CORIN: variants seen among roughly 807,000 people sequenced by gnomAD.
CORIN encodes the protein corin, serine peptidase.
In CORIN, 117 loss-of-function variants were observed where a neutral mutation model predicts 125.3. The ratio of observed to expected loss-of-function variants is 0.93; its 90% CI spans 0.80 to 1.09. CORIN has a LOEUF of 1.09. Among genes scored for constraint, CORIN ranks in the 50% least tolerant of loss-of-function variants. The probability of loss-of-function intolerance (pLI) is 0.00; values close to 1 mark genes in which losing one functional copy is unlikely to be tolerated. For missense variants in CORIN, 1,253 were observed against 1,306.7 expected (o/e 0.96, Z 0.63); for synonymous variants, 450 against 466.4 (o/e 0.96, Z 0.45).
intron 20 of CORIN, among the ~76,000 whole-genome samples, 181 bp from the exon 21 acceptor site, chr4:47,600,528 G>A (rs781636011): frequency 6.6e-6 from 1 of 152,124 alleles, no homozygotes; most frequent in Non-Finnish European, 1.5e-5. Context: ...GAATTTTCTA[G>A]TTAGAAGCAT....
intron 5 of CORIN, among the ~76,000 whole-genome samples, chr4:47,738,456 T>C (rs1461668303): frequency 6.6e-6 from 1 of 152,204 alleles, no homozygotes; most frequent in Non-Finnish European, 1.5e-5. Flanking sequence ...GGCTGCTATC[T>C]GGGCAAAAAC....
In CORIN at chr4:47,595,616, TC is replaced by T; in HGVS notation, c.*104del. Reference sequence around the variant, plus strand: ...TGCAGTGCACGATTGAGCATTTCTGTCCATGAAAAGTGCTTCTGTACAGCTC... The same window carrying T: ...TGCAGTGCACGATTGAGCATTTCTGTCATGAAAAGTGCTTCTGTACAGCTC... On this transcript the variant is annotated 3_prime_UTR_variant, in exon 22 of 22. Transcript: ENST00000273857. 1.3e-6 allele frequency: 1 copy of T among 754,622 alleles called. No homozygotes were observed. The allele number at this position is 754,622 out of a possible 1,614,324, so 46.7% of individuals were successfully genotyped here.
chr4:47,729,506 G>A (rs926844713), intron 5 of CORIN, among the ~76,000 whole-genome samples: 2 of 152,132 alleles, frequency 1.3e-5, no homozygotes, highest in Admixed American at 6.5e-5. Flanking sequence ...ACAGCCTAGA[G>A]AGCAAAAACA....
Position 47,626,464 on chromosome 4 carries a change from T to C in CORIN, c.2256A>G (p.Thr752=), listed in dbSNP as rs766721644. The C allele has an allele frequency of 1.9e-6, 3 of 1,614,122 alleles. No individual in the cohort carries two copies. The highest frequency in any genetic ancestry group is 2.5e-6 in the Non-Finnish European group (3 of 1,179,978). ...TGAGGCTCTCCCAGTTGGAGTGTAATGTCAGCCACCGCGGCTCTTTCTCCT... is the reference window on the plus strand; with the variant it reads ...TGAGGCTCTCCCAGTTGGAGTGTAACGTCAGCCACCGCGGCTCTTTCTCCT... The part of the protein sequence containing the change: ...QEQEKEPRWL[T]LHSNWESLNG... Residue 752 remains threonine, a synonymous_variant, in exon 17 of 22, where the codon ACA becomes ACG. Transcript: ENST00000273857.
At chr4:47,710,702 G>A (rs1726801463) in intron 5 of CORIN, among the ~76,000 whole-genome samples, 1 of 152,222 alleles carries the variant, frequency 6.6e-6, no homozygotes, top group South Asian at 2.1e-4. Context: ...TTGTTGCCCT[G>A]TAATTACCAG....
At chr4:47,624,366 G>A (rs1280267639) in intron 17 of CORIN, among the ~76,000 whole-genome samples, 1 of 152,104 alleles carries the variant, frequency 6.6e-6, no homozygotes, top group East Asian at 1.9e-4. Flanking sequence ...GAGGCAGCAT[G>A]TCAGATTTTT....
chr4:47,653,373 T>G (rs1442265409), intron 13 of CORIN, among the ~76,000 whole-genome samples, 180 bp downstream of exon 13: 2 of 152,076 alleles, frequency 1.3e-5, no homozygotes, highest in Non-Finnish European at 2.9e-5. Context: ...TTAGAGGAAA[T>G]CAAGAGTCAG....
intron 1 of CORIN, among the ~76,000 whole-genome samples, chr4:47,808,184 G>A (rs538275912): frequency 7.2e-5 from 11 of 152,072 alleles, no homozygotes; most frequent in Non-Finnish European, 1.3e-4. Context: ...TATGGGGAGT[G>A]GAGTCCAAAG....
intron 4 of CORIN, among the ~76,000 whole-genome samples, chr4:47,748,348 AAGG>A (rs1398675511): frequency 6.6e-6 from 1 of 152,210 alleles, no homozygotes; most frequent in Non-Finnish European, 1.5e-5. Context: ...CTGCACAGGG[AAGG>A]AGACCACTTT....
At chr4:47,751,055 G>C (rs942723010) in intron 4 of CORIN, among the ~76,000 whole-genome samples, 1 of 152,206 alleles carries the variant, frequency 6.6e-6, no homozygotes, top group Non-Finnish European at 1.5e-5. Flanking sequence ...TGGTTTTGTT[G>C]TTGGTTTGTT....
Position 47,762,159 on chromosome 4 carries a change from A to G in CORIN, c.617+1220T>C, listed in dbSNP as rs531737351. Reference sequence around the variant, plus strand: ...GTGTAGTATTCTTAAAAAATGCTAAAATGATGGATGTAAAGTGTTCTCACC... The same window carrying G: ...GTGTAGTATTCTTAAAAAATGCTAAGATGATGGATGTAAAGTGTTCTCACC... On this transcript the variant is annotated intron_variant, in intron 4 of 21. Coordinates refer to ENST00000273857, the MANE Select transcript of CORIN (RefSeq NM_006587.4). Among the ~76,000 whole-genome samples, 4 of 152,208 alleles carry G rather than the reference A, an allele frequency of 2.6e-5. 1 individual carries two copies. Among genetic ancestry groups the G allele is most frequent in the African/African-American group, 7.2e-5 (3 of 41,536 alleles).
At chr4:47,785,473 C>T (rs1344636957) in intron 3 of CORIN, among the ~76,000 whole-genome samples, 4 of 152,168 alleles carry the variant, frequency 2.6e-5, no homozygotes, top group Non-Finnish European at 5.9e-5. Context: ...TCCCTTTGCC[C>T]TCATGCAGAA....
chr4:47,685,864 G>A (rs567801727), intron 6 of CORIN, among the ~76,000 whole-genome samples: 2 of 151,390 alleles, frequency 1.3e-5, no homozygotes, highest in African/African-American at 4.9e-5. Context: ...TCAAGCAGAT[G>A]AAATAGCAAG....
intron 5 of CORIN, among the ~76,000 whole-genome samples, chr4:47,722,914 G>C (rs867568738): frequency 2.0e-5 from 3 of 152,184 alleles, no homozygotes; most frequent in African/African-American, 7.2e-5. Context: ...GTAATAAGGA[G>C]GTGAGCTTTC....
intron 5 of CORIN, among the ~76,000 whole-genome samples, chr4:47,700,140 A>T (rs1186633728): frequency 6.6e-6 from 1 of 151,966 alleles, no homozygotes; most frequent in East Asian, 1.9e-4. Context: ...AAACTCCTTC[A>T]CCCTTAAGAT....
intron 4 of CORIN, among the ~76,000 whole-genome samples, chr4:47,746,637 CG>C (rs1728677175): frequency 6.6e-6 from 1 of 151,830 alleles, no homozygotes. Context: ...TGGTTTCAAG[CG>C]ATTCTCCTGC....
At chr4:47,764,726 A>G (rs897713230) in intron 3 of CORIN, among the ~76,000 whole-genome samples, 2 of 152,220 alleles carry the variant, frequency 1.3e-5, no homozygotes, top group Admixed American at 1.3e-4. Context: ...TATGTTAAAA[A>G]TAGTTCTTGA....
At chr4:47,724,062 G>C (rs1367857972) in intron 5 of CORIN, among the ~76,000 whole-genome samples, 1 of 150,068 alleles carries the variant, frequency 6.7e-6, no homozygotes. Context: ...ATAATTAATA[G>C]GCACCACCCC....
rs530837239 is a variant in CORIN, at chr4:47,764,815, T to C, written c.410-1229A>G. Among the ~76,000 whole-genome samples, 188 of 152,312 alleles carry C rather than the reference T, an allele frequency of 1.2e-3. 2 individuals carry two copies. The highest frequency in any genetic ancestry group is 1.4e-3 in the Non-Finnish European group (98 of 68,018). The stretch of plus-strand genomic sequence containing the variant: ...ATCTCAAGGTCTGTATGTATAGTAA[T>C]ATGTAATACACCTGTATATTTTGAC... On this transcript the variant is annotated intron_variant, in intron 3 of 21. Coordinates refer to ENST00000273857, the MANE Select transcript of CORIN (RefSeq NM_006587.4).
Sources: gnomAD v4.1 joint callset for allele counts (sites outside exome capture counted in the v4.1 genomes callset) on GRCh38, gnomAD v4.1.1 for gene constraint, MANE v1.5 for transcripts, NCBI Gene and HGNC (gene_info 2026-07-23, HGNC 2026-07-21) for gene names.